The following ALKBH5 variants were observed in gnomAD, a reference collection of about 807,000 sequenced individuals.
The protein encoded by ALKBH5 is alkB homolog 5, RNA demethylase.
In ALKBH5, 2 loss-of-function variants were observed where a neutral mutation model predicts 32.1. The observed-to-expected ratio is 0.06, with a 90% CI of 0.03 to 0.20. ALKBH5 has a LOEUF of 0.20. Among genes scored for constraint, ALKBH5 ranks in the 10% least tolerant of loss-of-function variants. The pLI is 1.00. For synonymous variants in ALKBH5, 300 were observed against 231.7 expected (o/e 1.29, Z -2.68); for missense variants, 352 against 559.5 (o/e 0.63, Z 3.74).
At chr17:18,194,908 G>C in intron 1 of ALKBH5, 47 bp from the exon 2 acceptor site, 1 of 1,584,694 alleles carries the variant, frequency 6.3e-7, no homozygotes, top group Middle Eastern at 1.7e-4. Context: ...AGGAACTTTG[G>C]TTGTCTGTCT....
intron 2 of ALKBH5, among the ~76,000 whole-genome samples, chr17:18,204,587 T>G (rs2047259093): frequency 6.6e-6 from 1 of 151,966 alleles, no homozygotes; most frequent in South Asian, 2.1e-4. Flanking sequence ...CATGGTGAAA[T>G]GCTGTCTCTA....
chr17:18,188,093 T>G (rs1004335032), intron 1 of ALKBH5, among the ~76,000 whole-genome samples: 1 of 152,238 alleles, frequency 6.6e-6, no homozygotes, highest in Non-Finnish European at 1.5e-5. Flanking sequence ...TTTTGTAACC[T>G]TCCCATGTTA....
At chr17:18,197,198 G>A (rs551382500) in intron 2 of ALKBH5, among the ~76,000 whole-genome samples, 1 of 152,356 alleles carries the variant, frequency 6.6e-6, no homozygotes, top group African/African-American at 2.4e-5. Flanking sequence ...GGGAGCTCCA[G>A]AAACTTGGGT....
chr17:18,184,125 C>T lies in ALKBH5; in HGVS notation c.-119C>T. On this transcript the variant is annotated 5_prime_UTR_variant, in exon 1 of 4. Transcript: ENST00000399138. The stretch of plus-strand genomic sequence containing the variant: ...CCCCCCGCCGGGTCCCCCACTCACG[C>T]ATGGGGGTTCGGCGCTAAGGACCCC... 1.1e-6 allele frequency: 1 copy of T among 917,128 alleles called. No homozygotes were observed. Among genetic ancestry groups the T allele is most frequent in the Non-Finnish European group, 1.6e-6 (1 of 607,110 alleles). 56.8% of individuals were successfully genotyped at this position (917,128 alleles called of 1,614,324 possible).
At chr17:18,187,859 A>C (rs2047148932) in intron 1 of ALKBH5, among the ~76,000 whole-genome samples, 1 of 152,226 alleles carries the variant, frequency 6.6e-6, no homozygotes, top group Admixed American at 6.5e-5. Context: ...GGATTCTAGT[A>C]GTAGGCATCT....
chr17:18,190,550 G>GAAAAAA (rs11316080), intron 1 of ALKBH5, among the ~76,000 whole-genome samples: 1 of 121,902 alleles, frequency 8.2e-6, no homozygotes. Context: ...CTCTGTTTCC[G>GAAAAAA]AAAAAAAAAA....
Position 18,204,542 on chromosome 17 carries a change from G to A in ALKBH5, c.852-2273G>A, listed in dbSNP as rs149706647. Reference sequence around the variant, plus strand: ...TTTGGGAGGCTGAGATGGGCAGATCGCTTGAGCCCCAGTGTTTGAGACCAG... The same window carrying A: ...TTTGGGAGGCTGAGATGGGCAGATCACTTGAGCCCCAGTGTTTGAGACCAG... On this transcript the variant is annotated intron_variant, in intron 2 of 3. Coordinates refer to ENST00000399138, the MANE Select transcript of ALKBH5 (RefSeq NM_017758.4). Among the ~76,000 whole-genome samples the A allele has an allele frequency of 1.5e-3, 233 of 151,988 alleles. 2 individuals carry two copies. Among genetic ancestry groups the A allele is most frequent in the African/African-American group, 5.4e-3 (222 of 41,418 alleles).
intron 1 of ALKBH5, among the ~76,000 whole-genome samples, chr17:18,191,325 G>A (rs1251738792): frequency 6.6e-6 from 1 of 152,182 alleles, no homozygotes; most frequent in African/African-American, 2.4e-5. Context: ...TAGAAGACCA[G>A]TACTAATAAG....
intron 1 of ALKBH5, among the ~76,000 whole-genome samples, chr17:18,190,646 A>G (rs1041472424): frequency 2.0e-5 from 3 of 152,122 alleles, no homozygotes; most frequent in African/African-American, 4.8e-5. Context: ...TTGCAGAGGC[A>G]GAAACAGGTT....
At chr17:18,196,582 TTGTC>T (rs1446839129) in intron 2 of ALKBH5, among the ~76,000 whole-genome samples, 2 of 152,228 alleles carry the variant, frequency 1.3e-5, no homozygotes, top group Non-Finnish European at 2.9e-5. Flanking sequence ...CAATTAGAAT[TTGTC>T]TGATGTTTTT....
chr17:18,201,834 TA>T (rs1454776208), intron 2 of ALKBH5, among the ~76,000 whole-genome samples: 1 of 122,274 alleles, frequency 8.2e-6, no homozygotes, highest in East Asian at 2.0e-4. Context: ...GATAGATAGA[TA>T]GATGATAGAT....
intron 2 of ALKBH5, among the ~76,000 whole-genome samples, chr17:18,197,084 C>T (rs947274796): frequency 6.6e-6 from 1 of 152,144 alleles, no homozygotes; most frequent in Non-Finnish European, 1.5e-5. Flanking sequence ...TATGGCTTTG[C>T]CACTTTGCCA....
chr17:18,183,885 T>G lies in ALKBH5; in HGVS notation c.-359T>G. ...GTCGGGCTGGCTGCCCGTGACGTCG[T>G]GCGGAGAGCTTTAAAGTGCGGGCCG... On this transcript the variant is annotated 5_prime_UTR_variant, in exon 1 of 4. Coordinates refer to ENST00000399138, the MANE Select transcript of ALKBH5 (RefSeq NM_017758.4). 2.4e-6 allele frequency: 1 copy of G among 414,912 alleles called. No homozygotes were observed. Among genetic ancestry groups the G allele is most frequent in the Non-Finnish European group, 4.6e-6 (1 of 219,122 alleles). The allele number at this position is 414,912 out of a possible 1,614,324, so 25.7% of individuals were successfully genotyped here.
chr17:18,198,778 T>A (rs569886077), intron 2 of ALKBH5, among the ~76,000 whole-genome samples: 20 of 152,336 alleles, frequency 1.3e-4, no homozygotes, highest in South Asian at 4.1e-4. Flanking sequence ...GCAGCTTCTG[T>A]GAACATGGGT....
At chr17:18,201,777 A>AGATAGATAGGTAGATAGATAG (rs1567676607) in intron 2 of ALKBH5, among the ~76,000 whole-genome samples, 1 of 124,464 alleles carries the variant, frequency 8.0e-6, no homozygotes, top group Non-Finnish European at 1.8e-5. Context: ...ATAGATAGAT[A>AGATAGATAGGTAGATAGATAG]GATAGATAGG....
chr17:18,191,876 G>A (rs1417971221), intron 1 of ALKBH5, among the ~76,000 whole-genome samples: 1 of 151,918 alleles, frequency 6.6e-6, no homozygotes, highest in Non-Finnish European at 1.5e-5. Context: ...TTGAACCTGG[G>A]ACGTGGAGGT....
intron 2 of ALKBH5, among the ~76,000 whole-genome samples, chr17:18,201,799 A>AG (rs1597841239): frequency 0.01 from 406 of 40,588 alleles, 1 homozygote; most frequent in Middle Eastern, 0.045. Flanking sequence ...TAGATAAGAT[A>AG]GATAGATAGA....
intron 2 of ALKBH5, among the ~76,000 whole-genome samples, chr17:18,198,421 A>G (rs2047216738): frequency 6.6e-6 from 1 of 152,180 alleles, no homozygotes; most frequent in Non-Finnish European, 1.5e-5. Context: ...TGTCTTGGGA[A>G]AGGACGGGTT....
chr17:18,208,082 G>C, intron 3 of ALKBH5, 137 bp from the exon 4 acceptor site: 1 of 873,350 alleles, frequency 1.1e-6, no homozygotes, highest in Non-Finnish European at 1.7e-6. Context: ...CGATACCAGG[G>C]CCTCTGCCAG....
Sources: allele counts gnomAD v4.1 joint callset (sites outside exome capture counted in the v4.1 genomes callset), GRCh38; gene constraint gnomAD v4.1.1; transcripts MANE v1.5; gene names NCBI Gene and HGNC (gene_info 2026-07-23, HGNC 2026-07-21).